The following LAMA2 variants were observed in gnomAD, a reference collection of about 807,000 sequenced individuals.
LAMA2 encodes laminin subunit alpha-2.
In LAMA2, 269 loss-of-function variants were observed where a neutral mutation model predicts 364.8. The ratio of observed to expected loss-of-function variants is 0.74; its 90% CI spans 0.67 to 0.82. The LOEUF (loss-of-function observed/expected upper bound fraction) is 0.82, where lower values mean the gene tolerates loss of function less well. Ranked by LOEUF, LAMA2 falls within the 40% of genes least tolerant of loss-of-function variation. The pLI is 0.00. For synonymous variants in LAMA2, 1,379 were observed against 1,370.6 expected (o/e 1.01, Z -0.14); for missense variants, 3,807 against 3,873.2 (o/e 0.98, Z 0.45).
At chr6:128,950,817 C>CAT (rs1196425409) in intron 1 of LAMA2, among the ~76,000 whole-genome samples, 1 of 151,786 alleles carries the variant, frequency 6.6e-6, no homozygotes, top group Non-Finnish European at 1.5e-5. Context: ...TATGTATGCC[C>CAT]ATATATATAT....
chr6:129,381,731 C>T lies in LAMA2; in HGVS notation c.4960-1391C>T, dbSNP rs73774805. 6.9e-3 allele frequency among the ~76,000 whole-genome samples: 1,054 copies of T among 152,084 alleles called. 4 individuals are homozygous for T. The highest frequency in any genetic ancestry group is 0.024 in the African/African-American group (1,007 of 41,466). On this transcript the variant is annotated intron_variant, in intron 34 of 64. Transcript: ENST00000421865. ...TATTAATGTTTTAGAAGAATAAATC[C>T]AGAGCATTATAATACTTTGGTTAAT...
At chr6:129,284,944 A>G (rs757897508) in intron 18 of LAMA2, among the ~76,000 whole-genome samples, 4 of 152,164 alleles carry the variant, frequency 2.6e-5, no homozygotes, top group African/African-American at 4.8e-5. Flanking sequence ...TTATGTCAAG[A>G]TATCCGTTTC....
Position 129,270,740 on chromosome 6 carries a change from C to T in LAMA2, c.2439C>T (p.Ile813=), listed in dbSNP as rs1395481642. ...AACCCTGTGCCTGTCCACTCAATATCCCATCCAATAAGTAAGTAACAAACT... is the reference window on the plus strand; with the variant it reads ...AACCCTGTGCCTGTCCACTCAATATTCCATCCAATAAGTAAGTAACAAACT... ...DCQPCACPLN[I]PSNNFSPTCH... The change falls in exon 17 of 65, where the codon ATC becomes ATT. Residue 813 remains isoleucine, a synonymous_variant. Transcript: ENST00000421865. 1 of 1,613,172 alleles carries T rather than the reference C, an allele frequency of 6.2e-7. No homozygotes were observed. Among genetic ancestry groups the T allele is most frequent in the African/African-American group, 1.3e-5 (1 of 74,956 alleles).
At chr6:129,090,323 A>G (rs978948108) in intron 3 of LAMA2, among the ~76,000 whole-genome samples, 5 of 152,162 alleles carry the variant, frequency 3.3e-5, no homozygotes, top group African/African-American at 1.2e-4. Flanking sequence ...TCGCTTTGTA[A>G]CTACTTCATT....
Position 129,270,617 on chromosome 6 carries a change from T to G in LAMA2, c.2323-7T>G, listed in dbSNP as rs762740616. 1 of 1,612,844 alleles carries G rather than the reference T, an allele frequency of 6.2e-7. No homozygotes were observed. The stretch of plus-strand genomic sequence containing the variant: ...ATAATAAACTCTGATGCTCATTTCT[T>G]TCTCAGAACTGTAAGGATCACACAG... On this transcript the variant is annotated splice_polypyrimidine_tract_variant and splice_region_variant and intron_variant, in intron 16 of 64. Coordinates refer to ENST00000421865, the MANE Select transcript of LAMA2 (RefSeq NM_000426.4).
intron 12 of LAMA2, among the ~76,000 whole-genome samples, chr6:129,235,115 T>G (rs1784900337): frequency 6.6e-6 from 1 of 152,108 alleles, no homozygotes; most frequent in Non-Finnish European, 1.5e-5. Flanking sequence ...TTACATTCAC[T>G]AGTGAATGCC....
At chr6:129,228,011 A>C (rs990643960) in intron 12 of LAMA2, among the ~76,000 whole-genome samples, 1 of 152,048 alleles carries the variant, frequency 6.6e-6, no homozygotes, top group African/African-American at 2.4e-5. Flanking sequence ...TTGTTTGCCT[A>C]CTCAAGCCTC....
chr6:128,906,991 C>A (rs1466195803), intron 1 of LAMA2, among the ~76,000 whole-genome samples: 3 of 150,974 alleles, frequency 2.0e-5, no homozygotes, highest in Non-Finnish European at 1.5e-5. Context: ...TTCCATTGAT[C>A]TATATCTCTG....
At chr6:129,374,878 C>T (rs947269498) in intron 34 of LAMA2, among the ~76,000 whole-genome samples, 1 of 151,810 alleles carries the variant, frequency 6.6e-6, no homozygotes, top group Admixed American at 6.6e-5. Flanking sequence ...AGCCACCATG[C>T]CCAGCACTAC....
At chr6:128,956,026 C>T (rs1170985312) in intron 1 of LAMA2, among the ~76,000 whole-genome samples, 3 of 151,822 alleles carry the variant, frequency 2.0e-5, no homozygotes, top group African/African-American at 7.2e-5. Context: ...CTTACATTAT[C>T]ATAAATTTCG....
At chr6:129,193,003 T>G (rs775578522) in intron 12 of LAMA2, 150 bp downstream of exon 12, 4 of 856,178 alleles carry the variant, frequency 4.7e-6, no homozygotes, top group Non-Finnish European at 7.5e-6. Flanking sequence ...GTTGGGCGTT[T>G]CTTCCATGTT....
At position 129,208,659 on chromosome 6, in the gene LAMA2, GAGAA is replaced by G. The variant is rs1166018509; in HGVS notation, c.1782+15814_1782+15817del. 3.0e-5 allele frequency among the ~76,000 whole-genome samples: 4 copies of G among 132,286 alleles called. No individual in the cohort carries two copies. The South Asian group carries it at 7.9e-4, about 26-fold the overall frequency. 86.8% of individuals were successfully genotyped at this position (132,286 alleles called of 152,430 possible). A position where few individuals can be genotyped will look rare whatever the true frequency, so the allele number is the denominator to read the frequency against. On this transcript the variant is annotated intron_variant, in intron 12 of 64. Coordinates refer to ENST00000421865, the MANE Select transcript of LAMA2 (RefSeq NM_000426.4). Reference sequence around the variant, plus strand: ...GAAAGAAAGAAGGAAGGAAGAGAGGGAGAAAGAAAGAGAAAGAGAAGGAAAGAAA... The same window carrying G: ...GAAAGAAAGAAGGAAGGAAGAGAGGGAGAAAGAGAAAGAGAAGGAAAGAAA...
At chr6:129,069,146 T>G (rs1773136048) in intron 3 of LAMA2, among the ~76,000 whole-genome samples, 1 of 151,976 alleles carries the variant, frequency 6.6e-6, no homozygotes, top group South Asian at 2.1e-4. Flanking sequence ...GGAGATCTGT[T>G]AAAAAATCTG....
At chr6:129,137,713 A>G (rs1241237197) in intron 4 of LAMA2, among the ~76,000 whole-genome samples, 1 of 152,136 alleles carries the variant, frequency 6.6e-6, no homozygotes. Flanking sequence ...GAGCTAATTC[A>G]TTGGAAGCTC....
intron 22 of LAMA2, among the ~76,000 whole-genome samples, chr6:129,304,399 G>T (rs970457576): frequency 3.3e-5 from 5 of 152,030 alleles, no homozygotes; most frequent in African/African-American, 7.2e-5. Flanking sequence ...GAGTAGCTGG[G>T]ACTACAGGTG....
At chr6:129,027,380 A>G (rs989357604) in intron 1 of LAMA2, among the ~76,000 whole-genome samples, 2 of 152,076 alleles carry the variant, frequency 1.3e-5, no homozygotes, top group African/African-American at 4.8e-5. Flanking sequence ...GTACACATAC[A>G]TATCTCTGTG....
At chr6:129,044,386 G>A (rs998376953) in intron 1 of LAMA2, among the ~76,000 whole-genome samples, 1 of 152,036 alleles carries the variant, frequency 6.6e-6, no homozygotes, top group African/African-American at 2.4e-5. Context: ...ATGCCAACAT[G>A]TGTGAACATA....
intron 48 of LAMA2, among the ~76,000 whole-genome samples, chr6:129,459,266 A>G (rs536385684): frequency 1.3e-5 from 2 of 152,244 alleles, no homozygotes; most frequent in Admixed American, 1.3e-4. Context: ...CAGTAAAAAT[A>G]CAGTATTATA....
At chr6:129,027,980 G>A (rs906210632) in intron 1 of LAMA2, among the ~76,000 whole-genome samples, 1 of 151,828 alleles carries the variant, frequency 6.6e-6, no homozygotes, top group African/African-American at 2.4e-5. Flanking sequence ...GTGAGGAATG[G>A]GGACTTCTGT....
Sources: gnomAD v4.1 joint callset for allele counts (sites outside exome capture counted in the v4.1 genomes callset) on GRCh38, gnomAD v4.1.1 for gene constraint, MANE v1.5 for transcripts, NCBI Gene and HGNC (gene_info 2026-07-23, HGNC 2026-07-21) for gene names.